Variants in FMO5 observed in about 807,000 individuals in gnomAD.
The protein encoded by FMO5 is flavin-containing monooxygenase 5.
A neutral mutation model predicts 43.6 loss-of-function variants in FMO5; 51 were observed. The ratio of observed to expected loss-of-function variants is 1.17; its 90% CI spans 0.93 to 1.48. The LOEUF (loss-of-function observed/expected upper bound fraction) is 1.48, where lower values mean the gene tolerates loss of function less well. Among genes scored for constraint, FMO5 ranks in the 40% most tolerant of loss-of-function variants. FMO5 has a pLI of 0.00. For missense variants in FMO5, 644 were observed against 643.0 expected, an observed-to-expected ratio of 1.00 and a Z score of -0.02; for synonymous variants, 187 against 216.5, an observed-to-expected ratio of 0.86 and a Z score of 1.20.
At chr1:147,204,922 T>C in intron 6 of FMO5, 1 of 1,563,628 alleles carries the variant, frequency 6.4e-7, no homozygotes, top group Non-Finnish European at 8.8e-7. Flanking sequence ...CTTGGGAACT[T>C]GAAGCGCCAT....
chr1:147,213,449 T>G lies in FMO5; in HGVS notation c.346A>C (p.Lys116Gln), dbSNP rs373669935. 40 of 1,610,394 alleles carry G rather than the reference T, an allele frequency of 2.5e-5. No individual in the cohort carries two copies. Among genetic ancestry groups the G allele is most frequent in the South Asian group, 8.9e-5 (8 of 90,338 alleles). ...RFKTTVCSVK[K>Q]QPDFATSGQW... ...CCTGAAGTGGCAAAATCAGGCTGCT[T>G]CTTCACACTGCACACAGTGGTCTGA... The change falls in exon 4 of 9, where the codon AAG becomes CAG. Residue 116 changes from lysine (K) to glutamine (Q), a missense_variant. By Grantham distance (53) the Lys-to-Gln change is moderately conservative (BLOSUM62 1). Coordinates refer to ENST00000254090, the MANE Select transcript of FMO5 (RefSeq NM_001461.4).
intron 7 of FMO5, among the ~76,000 whole-genome samples, chr1:147,191,910 G>A (rs1456244635): frequency 2.0e-5 from 3 of 152,068 alleles, no homozygotes; most frequent in Non-Finnish European, 2.9e-5. Flanking sequence ...TTTGGTTACT[G>A]TAGCCTTGTA....
In FMO5 at chr1:147,187,210, T is replaced by C; in HGVS notation, c.1292A>G (p.Asp431Gly). ...VESQRHTIQGDYIDTMEELAD... is the reference protein window; with the variant it reads ...VESQRHTIQGGYIDTMEELAD... The stretch of plus-strand genomic sequence containing the variant: ...AAGCTCTTCCATGGTATCTATGTAG[T>C]CTCCCTGAATGGTATGGCGTTGGCT... Residue 431 changes from aspartate to glycine, a missense_variant, in exon 9 of 9, where the codon GAC becomes GGC. By Grantham distance (94) the Asp-to-Gly change is moderately conservative. Transcript: ENST00000254090. 6.2e-7 allele frequency: 1 copy of C among 1,613,550 alleles called. No individual in the cohort carries two copies. The highest frequency in any genetic ancestry group is 8.5e-7 in the Non-Finnish European group (1 of 1,179,770).
intron 2 of FMO5, among the ~76,000 whole-genome samples, chr1:147,222,960 G>A (rs375372629): frequency 6.6e-6 from 1 of 152,132 alleles, no homozygotes; most frequent in Non-Finnish European, 1.5e-5. Context: ...TAGGCCTACT[G>A]AATAATAACC....
intron 2 of FMO5, among the ~76,000 whole-genome samples, chr1:147,218,747 T>C (rs2165743): frequency 0.14 from 21,826 of 152,246 alleles, 1,541 homozygotes; most frequent in South Asian, 0.18. Flanking sequence ...ATTTCTAAGT[T>C]ATTAAATTGT....
intron 7 of FMO5, among the ~76,000 whole-genome samples, chr1:147,193,955 G>A (rs587765604): frequency 5.9e-5 from 9 of 151,648 alleles, no homozygotes. Context: ...AATAGGTGTG[G>A]TGTGGTGCTG....
intron 6 of FMO5, among the ~76,000 whole-genome samples, chr1:147,202,033 G>A (rs1443645321): frequency 6.6e-6 from 1 of 152,176 alleles, no homozygotes; most frequent in South Asian, 2.1e-4. Context: ...CAGAATAGGT[G>A]TCATTATCCA....
At chr1:147,213,607 A>G in intron 3 of FMO5, 137 bp from the exon 4 acceptor site, 2 of 698,760 alleles carry the variant, frequency 2.9e-6, no homozygotes, top group Non-Finnish European at 4.4e-6. Context: ...ATACTCCACA[A>G]ATAAGAACTG....
In FMO5 at chr1:147,205,638, C is replaced by G. The variant is rs587640281; in HGVS notation, c.830+3214G>C. ...ATATCTACAACTATTTGATCTTTGACAAACCTGACAAAAACAAGAAATGGG... is the reference window on the plus strand; with the variant it reads ...ATATCTACAACTATTTGATCTTTGAGAAACCTGACAAAAACAAGAAATGGG... On this transcript the variant is annotated intron_variant, in intron 6 of 8. Coordinates refer to ENST00000254090, the MANE Select transcript of FMO5 (RefSeq NM_001461.4). Among the ~76,000 whole-genome samples the G allele has an allele frequency of 2.6e-5, 4 of 152,212 alleles. No individual in the cohort carries two copies. The South Asian group carries it at 8.3e-4, about 32-fold the overall frequency.
intron 7 of FMO5, among the ~76,000 whole-genome samples, chr1:147,199,356 C>T (rs1210217337): frequency 1.3e-5 from 2 of 152,052 alleles, no homozygotes; most frequent in Non-Finnish European, 2.9e-5. Flanking sequence ...AATAAAAAAC[C>T]CAGAGTTCCT....
intron 7 of FMO5, among the ~76,000 whole-genome samples, chr1:147,198,825 T>C (rs1268715798): frequency 1.7e-5 from 2 of 119,500 alleles, no homozygotes; most frequent in Non-Finnish European, 3.2e-5. Flanking sequence ...CACTCCAGCC[T>C]GGGCGACAGA....
chr1:147,223,754 G>C (rs1216609788), intron 2 of FMO5: 1 of 226,568 alleles, frequency 4.4e-6, no homozygotes, highest in Non-Finnish European at 8.8e-6. Flanking sequence ...GCAGCAAAGA[G>C]CTATCCTTTT....
At chr1:147,203,703 T>C (rs10900324) in intron 6 of FMO5, 120,679 of 1,506,796 alleles carry the variant, frequency 0.08, 5,555 homozygotes, top group African/African-American at 0.16. Flanking sequence ...GCTCCACCTC[T>C]GGGTACAAGA....
chr1:147,203,520 AAGTTT>A (rs1207824268), intron 6 of FMO5: 41 of 886,194 alleles, frequency 4.6e-5, no homozygotes, highest in African/African-American at 4.5e-4. Context: ...GTACTGCATA[AAGTTT>A]AGAGATTACT....
upstream of FMO5, chr1:147,225,895 G>A (rs587603156): frequency 6.6e-6 from 1 of 152,300 alleles, no homozygotes; most frequent in South Asian, 2.1e-4. Context: ...CTTTTTAAAG[G>A]CTTACAACTT....
downstream of FMO5, chr1:147,186,227 G>T: frequency 1.5e-6 from 1 of 671,386 alleles, no homozygotes; most frequent in Non-Finnish European, 1.8e-6. Flanking sequence ...ATTGGCAGAT[G>T]GTAGATGATC....
chr1:147,226,920 T>G (rs1276312233), upstream of FMO5, among the ~76,000 whole-genome samples: 1 of 151,856 alleles, frequency 6.6e-6, no homozygotes, highest in Non-Finnish European at 1.5e-5. Flanking sequence ...GCAGCCTCTA[T>G]CTCCTGGGCT....
chr1:147,187,056 A>T lies in FMO5; in HGVS notation c.1446T>A (p.Asp482Glu). Residue 482 changes from aspartate (D) to glutamate (E), a missense_variant, in exon 9 of 9, where the codon GAT (aspartate) becomes GAA (glutamate). Coordinates refer to ENST00000254090, the MANE Select transcript of FMO5 (RefSeq NM_001461.4). ...HYRVQGPGKW[D>E]GARKAILTTD... ...TGGTGAGGATAGCTTTTCGAGCCCCATCCCACTTTCCAGGGCCCTGTACAC... is the reference window on the plus strand; with the variant it reads ...TGGTGAGGATAGCTTTTCGAGCCCCTTCCCACTTTCCAGGGCCCTGTACAC... The T allele has an allele frequency of 6.2e-7, 1 of 1,614,112 alleles. No individual in the cohort carries two copies.
intron 2 of FMO5, among the ~76,000 whole-genome samples, chr1:147,221,500 CA>C (rs1663006861): frequency 6.6e-6 from 1 of 152,060 alleles, no homozygotes; most frequent in South Asian, 2.1e-4. Context: ...TAATGAATGG[CA>C]AGGTCATTTT....
Sources: allele counts gnomAD v4.1 joint callset (sites outside exome capture counted in the v4.1 genomes callset), GRCh38; gene constraint gnomAD v4.1.1; transcripts MANE v1.5; gene names NCBI Gene and HGNC (gene_info 2026-07-23, HGNC 2026-07-21).